KMT2C: variants seen among roughly 807,000 people sequenced by gnomAD.
KMT2C encodes the protein histone-lysine N-methyltransferase 2C.
KMT2C carries 88 observed loss-of-function variants against 507.9 expected under a neutral mutation model. That is an observed-to-expected ratio of 0.17 (90% CI 0.15 to 0.21). The LOEUF is 0.21. KMT2C is among the 10% of genes least tolerant of loss of function. The probability of loss-of-function intolerance (pLI) is 1.00; values close to 1 mark genes in which losing one functional copy is unlikely to be tolerated. For synonymous variants in KMT2C, 2,049 were observed against 2,080.8 expected (o/e 0.98, Z 0.42); for missense variants, 4,954 against 5,957.8 (o/e 0.83, Z 5.55).
intron 27 of KMT2C, among the ~76,000 whole-genome samples, chr7:152,196,486 C>G (rs983274324): frequency 6.6e-5 from 10 of 152,142 alleles, no homozygotes; most frequent in African/African-American, 2.4e-4. Flanking sequence ...TAACTACTTG[C>G]AGCTTTGCTG....
At position 152,349,905 on chromosome 7, in the gene KMT2C, T is replaced by A. The variant is rs532869086; in HGVS notation, c.250+8682A>T. Reference sequence around the variant, plus strand: ...TCGGGGAAGGGGATTTATGGGAGATTTCAGTACCTTCCTCACAATTTTGCT... The same window carrying A: ...TCGGGGAAGGGGATTTATGGGAGATATCAGTACCTTCCTCACAATTTTGCT... On this transcript the variant is annotated intron_variant, in intron 2 of 58. Coordinates refer to ENST00000262189, the MANE Select transcript of KMT2C (RefSeq NM_170606.3). Among the ~76,000 whole-genome samples, 48 of 152,196 alleles carry A rather than the reference T, an allele frequency of 3.2e-4. 1 individual carries two copies. In the South Asian group the frequency reaches 9.8e-3, roughly 31 times the overall value.
At chr7:152,336,632 C>G (rs2096938321) in intron 2 of KMT2C, among the ~76,000 whole-genome samples, 1 of 152,148 alleles carries the variant, frequency 6.6e-6, no homozygotes, top group African/African-American at 2.4e-5. Context: ...ATAAAACAGT[C>G]CAGGTTTGGC....
intron 16 of KMT2C, among the ~76,000 whole-genome samples, chr7:152,234,286 G>A (rs1182223024): frequency 2.0e-5 from 3 of 152,172 alleles, no homozygotes; most frequent in African/African-American, 4.8e-5. Flanking sequence ...GGGGGCTGAG[G>A]CAGGGGAAAT....
At position 152,181,977 on chromosome 7, in the gene KMT2C, G is replaced by A. The variant is rs2129120564; in HGVS notation, c.5883C>T (p.Asp1961=). 1 of 1,614,150 alleles carries A rather than the reference G, an allele frequency of 6.2e-7. No homozygotes were observed. The highest frequency in any genetic ancestry group is 8.5e-7 in the Non-Finnish European group (1 of 1,180,028). The change falls in exon 36 of 59, where the codon GAC becomes GAT. Residue 1961 remains aspartate (D), a synonymous_variant. Coordinates refer to ENST00000262189, the MANE Select transcript of KMT2C (RefSeq NM_170606.3). The stretch of plus-strand genomic sequence containing the variant: ...GTGTGTCTGGAGGTTTTGCATAGGG[G>A]TCATTATTTGTCGTGGAAGAAGAAC... ...DLCSSSTTNN[D]PYAKPPDTPR... is the part of the protein sequence containing the mutation.
In KMT2C at chr7:152,180,897, A is replaced by T. The variant is rs2129119319; in HGVS notation, c.6963T>A (p.Asp2321Glu). 1.2e-6 allele frequency: 2 copies of T among 1,614,168 alleles called. No homozygotes were observed. Among genetic ancestry groups the T allele is most frequent in the Non-Finnish European group, 1.7e-6 (2 of 1,180,026 alleles). ...ATCCAGGCCTTGGCTGATCAGCAAC[A>T]TCATGGGCAGTTTGACTTGTTCCAA... The part of the protein sequence containing the change: ...DSFGTSQTAH[D>E]VADQPRPGSE... The change falls in exon 36 of 59, where the codon GAT becomes GAA. Residue 2321 changes from aspartate (D) to glutamate (E), a missense_variant. Transcript: ENST00000262189.
In KMT2C at chr7:152,174,212, T is replaced by C; in HGVS notation, c.9293A>G (p.Lys3098Arg). 6.2e-7 allele frequency: 1 copy of C among 1,603,406 alleles called. No individual in the cohort carries two copies. The highest frequency in any genetic ancestry group is 8.5e-7 in the Non-Finnish European group (1 of 1,172,508). Reference protein sequence around the residue: ...DFDAITDPIMKAKMVALKGIN... With the variant: ...DFDAITDPIMRAKMVALKGIN... ...ACCTTTAAGGGCCACCATTTTGGCTTTCATTATAGGATCTGTAATTGCATC... is the reference window on the plus strand; with the variant it reads ...ACCTTTAAGGGCCACCATTTTGGCTCTCATTATAGGATCTGTAATTGCATC... Residue 3098 changes from lysine to arginine, a missense_variant, in exon 39 of 59, where the codon AAA (lysine) becomes AGA (arginine). Lys to Arg is a conservative substitution (Grantham distance 26). Transcript: ENST00000262189.
intron 1 of KMT2C, among the ~76,000 whole-genome samples, chr7:152,396,622 C>A (rs917852703): frequency 6.6e-6 from 1 of 152,086 alleles, no homozygotes. Context: ...AAAAAGAAAA[C>A]GACAATTGCT....
In KMT2C at chr7:152,183,176, A is replaced by G. The variant is rs143707565; in HGVS notation, c.5083-20T>C. ...TTTTTGCTTTGACAAAAGAAGAGAAAAAAATTTCCCAGATTATGTTAAATG... is the reference window on the plus strand; with the variant it reads ...TTTTTGCTTTGACAAAAGAAGAGAAGAAAATTTCCCAGATTATGTTAAATG... On this transcript the variant is annotated intron_variant, in intron 34 of 58. Coordinates refer to ENST00000262189, the MANE Select transcript of KMT2C (RefSeq NM_170606.3). 6.6e-4 allele frequency: 986 copies of G among 1,504,420 alleles called. 6 individuals are homozygous for G. In the African/African-American group the frequency reaches 0.013, roughly 20 times the overall value. The allele number at this position is 1,504,420 out of a possible 1,614,324, so 93.2% of individuals were successfully genotyped here.
intron 1 of KMT2C, among the ~76,000 whole-genome samples, chr7:152,364,616 A>AAAAAAAAAAG (rs1488856294): frequency 2.0e-5 from 3 of 151,882 alleles, no homozygotes; most frequent in African/African-American, 7.3e-5. Flanking sequence ...CTCCAAAAAA[A>AAAAAAAAAAG]AAAAGAAAAG....
chr7:152,424,132 C>T (rs1401812022), intron 1 of KMT2C, among the ~76,000 whole-genome samples: 1 of 151,374 alleles, frequency 6.6e-6, no homozygotes, highest in Non-Finnish European at 1.5e-5. Flanking sequence ...TTTTCTGAGA[C>T]CGGGTATTGT....
chr7:152,141,730 A>C (rs1387197386), intron 55 of KMT2C, among the ~76,000 whole-genome samples: 3 of 150,768 alleles, frequency 2.0e-5, no homozygotes, highest in South Asian at 2.1e-4. Flanking sequence ...AAAAAAAAAA[A>C]AATTCATGCC....
At chr7:152,348,621 A>AAAAAG (rs2097083812) in intron 2 of KMT2C, among the ~76,000 whole-genome samples, 1 of 143,158 alleles carries the variant, frequency 7.0e-6, no homozygotes, top group Non-Finnish European at 1.5e-5. Flanking sequence ...AAAAAAAAAA[A>AAAAAG]AAAGAAAGAA....
chr7:152,392,343 GA>G (rs2097505527), intron 1 of KMT2C, among the ~76,000 whole-genome samples: 2 of 152,066 alleles, frequency 1.3e-5, no homozygotes, highest in South Asian at 4.1e-4. Context: ...AAACTAAAAT[GA>G]AATATGCAGT....
intron 44 of KMT2C, among the ~76,000 whole-genome samples, chr7:152,158,255 G>T (rs1190897297): frequency 6.6e-6 from 1 of 152,192 alleles, no homozygotes; most frequent in African/African-American, 2.4e-5. Flanking sequence ...CAACCACAAA[G>T]GTGTAGAACA....
chr7:152,267,448 C>G (rs112984968), intron 7 of KMT2C, among the ~76,000 whole-genome samples: 5 of 151,568 alleles, frequency 3.3e-5, no homozygotes, highest in Admixed American at 6.6e-5. Flanking sequence ...TGACCCAACA[C>G]ATCCAGCCAG....
chr7:152,244,525 A>T (rs1374434679), intron 14 of KMT2C, among the ~76,000 whole-genome samples: 1 of 152,200 alleles, frequency 6.6e-6, no homozygotes, highest in Non-Finnish European at 1.5e-5. Context: ...TCTATAAAAA[A>T]ATAAAAAATA....
At chr7:152,291,287 C>T (rs189755929) in intron 6 of KMT2C, among the ~76,000 whole-genome samples, 465 of 114,860 alleles carry the variant, frequency 4.0e-3, no homozygotes, top group Admixed American at 7.6e-3. Flanking sequence ...TATATTCTGC[C>T]TCTATATCTA....
chr7:152,430,168 A>G (rs2097852801), intron 1 of KMT2C, among the ~76,000 whole-genome samples: 1 of 150,210 alleles, frequency 6.7e-6, no homozygotes, highest in South Asian at 2.1e-4. Flanking sequence ...AGAGAGTGAG[A>G]CTGTCTCAAA....
intron 4 of KMT2C, 117 bp downstream of exon 4, chr7:152,315,021 G>C (rs1004232607): frequency 2.4e-6 from 2 of 819,334 alleles, no homozygotes; most frequent in Admixed American, 4.9e-5. Context: ...TAAATGTGGA[G>C]AACAGGAGAA....
Sources: allele counts gnomAD v4.1 joint callset (sites outside exome capture counted in the v4.1 genomes callset), GRCh38; gene constraint gnomAD v4.1.1; transcripts MANE v1.5; gene names NCBI Gene and HGNC (gene_info 2026-07-23, HGNC 2026-07-21).